HDAC9: variants seen among roughly 807,000 people sequenced by gnomAD.
HDAC9 encodes MEF-2 interacting transcription repressor (MITR) protein.
Under a neutral mutation model 139.4 loss-of-function variants are expected in HDAC9, and 41 were observed. The ratio of observed to expected loss-of-function variants is 0.29; its 90% confidence interval spans 0.23 to 0.38. HDAC9 has a LOEUF of 0.38. HDAC9 is among the 10% of genes least tolerant of loss of function. HDAC9 has a pLI of 1.00. For synonymous variants in HDAC9, 517 were observed against 476.2 expected (o/e 1.09, Z -1.12); for missense variants, 1,147 against 1,297.0 (o/e 0.88, Z 1.78).
At chr7:18,648,434 A>G (rs757289261) in intron 10 of HDAC9, 32 bp from the exon 11 acceptor site, 48 of 1,315,756 alleles carry the variant, frequency 3.6e-5, no homozygotes, top group African/African-American at 1.9e-4. Flanking sequence ...GTGTGTGTGT[A>G]TACACACATA....
chr7:18,439,791 C>T (rs1264655969), intron 1 of HDAC9, among the ~76,000 whole-genome samples: 3 of 152,174 alleles, frequency 2.0e-5, no homozygotes, highest in Non-Finnish European at 4.4e-5. Context: ...CATACATACA[C>T]ACACAAAACA....
At chr7:18,971,846 G>T (rs1784261132) in intron 24 of HDAC9, among the ~76,000 whole-genome samples, 1 of 152,136 alleles carries the variant, frequency 6.6e-6, no homozygotes, top group African/African-American at 2.4e-5. Context: ...ATCCAAAAAG[G>T]TCTCAACTAT....
In HDAC9 at chr7:18,121,050, T is replaced by C. The variant is rs201421467; in HGVS notation, c.-97+33837T>C. Among the ~76,000 whole-genome samples the C allele has an allele frequency of 6.6e-5, 10 of 152,300 alleles. No homozygotes were observed. In the East Asian group the frequency reaches 1.7e-3, roughly 26 times the overall value. On this transcript the variant is annotated intron_variant, in intron 1 of 12. Coordinates refer to the HDAC9 transcript ENST00000417496. ...TGCGGAGAACCCCATGAGAAAACTG[T>C]GTTTTACTTACATCTCTGGTCACTG...
chr7:18,295,105 C>T (rs1050412056), intron 1 of HDAC9, among the ~76,000 whole-genome samples: 7 of 151,792 alleles, frequency 4.6e-5, no homozygotes, highest in East Asian at 1.9e-4. Context: ...TTAACTGAAG[C>T]CATGGAAATA....
intron 2 of HDAC9, among the ~76,000 whole-genome samples, chr7:18,519,816 T>C (rs1228333710): frequency 2.0e-5 from 3 of 152,058 alleles, no homozygotes; most frequent in Non-Finnish European, 2.9e-5. Context: ...CAGTTTTATT[T>C]ATAATAATGG....
At chr7:18,306,026 G>A (rs1223129483) in intron 1 of HDAC9, among the ~76,000 whole-genome samples, 1 of 152,160 alleles carries the variant, frequency 6.6e-6, no homozygotes, top group Non-Finnish European at 1.5e-5. Context: ...AGTGTAAGTT[G>A]TTTATTTGGG....
At chr7:18,512,956 G>A (rs1322917050) in intron 2 of HDAC9, among the ~76,000 whole-genome samples, 2 of 152,146 alleles carry the variant, frequency 1.3e-5, no homozygotes, top group Non-Finnish European at 2.9e-5. Context: ...TAGATGACAA[G>A]GAATAGAATA....
chr7:18,902,776 C>T (rs1047469399), intron 22 of HDAC9, among the ~76,000 whole-genome samples: 1 of 152,082 alleles, frequency 6.6e-6, no homozygotes. Flanking sequence ...ATTTTAATAT[C>T]TGAGGAATGG....
At chr7:18,921,772 T>C (rs1365178135) in intron 22 of HDAC9, among the ~76,000 whole-genome samples, 1 of 152,088 alleles carries the variant, frequency 6.6e-6, no homozygotes, top group African/African-American at 2.4e-5. Context: ...TAAAGACACA[T>C]GTACACGTAT....
intron 2 of HDAC9, among the ~76,000 whole-genome samples, chr7:18,203,920 T>C (rs1268573904): frequency 1.3e-5 from 2 of 152,150 alleles, no homozygotes; most frequent in Non-Finnish European, 2.9e-5. Context: ...TGTAGAGATA[T>C]AGGGGATAGC....
At chr7:18,195,909 A>G (rs1222870666) in intron 2 of HDAC9, among the ~76,000 whole-genome samples, 1 of 152,108 alleles carries the variant, frequency 6.6e-6, no homozygotes, top group African/African-American at 2.4e-5. Context: ...TATTCTCAAT[A>G]CTTGAAATGC....
rs1210035642 is a variant in HDAC9 at position 18,748,993 on chromosome 7, C to G, written c.1910-12C>G. 2.5e-6 allele frequency: 4 copies of G among 1,612,234 alleles called. No individual in the cohort carries two copies. Among genetic ancestry groups the G allele is most frequent in the Non-Finnish European group, 3.4e-6 (4 of 1,178,990 alleles). On this transcript the variant is annotated splice_polypyrimidine_tract_variant and intron_variant, in intron 13 of 25. Transcript: ENST00000686413. ...TTACTCAATCTTGTCCTGTATTTCC[C>G]TTGTCTTAAAGGAATTGCCTATGAC...
At chr7:18,977,662 G>T (rs1390677629) in intron 25 of HDAC9, among the ~76,000 whole-genome samples, 1 of 152,152 alleles carries the variant, frequency 6.6e-6, no homozygotes, top group Non-Finnish European at 1.5e-5. Flanking sequence ...GGCAGAGAGA[G>T]AATGTGAATG....
At chr7:18,705,865 AAAATAAAATAAAAT>A (rs1562868564) in intron 12 of HDAC9, among the ~76,000 whole-genome samples, 6 of 101,792 alleles carry the variant, frequency 5.9e-5, no homozygotes, top group African/African-American at 3.0e-4. Flanking sequence ...AAAAAAAAAT[AAAATAAAATAAAAT>A]AAAAGAAATG....
intron 22 of HDAC9, among the ~76,000 whole-genome samples, chr7:18,907,246 G>T (rs1802343022): frequency 6.6e-6 from 1 of 152,152 alleles, no homozygotes; most frequent in Admixed American, 6.5e-5. Context: ...ATGTAGAAGA[G>T]AAGGGAGAGT....
intron 2 of HDAC9, among the ~76,000 whole-genome samples, chr7:18,168,729 A>T (rs2128131706): frequency 6.6e-6 from 1 of 152,066 alleles, no homozygotes; most frequent in South Asian, 2.1e-4. Context: ...ATATTTCTTA[A>T]TTTTTGTCAT....
intron 1 of HDAC9, among the ~76,000 whole-genome samples, chr7:18,135,048 T>C (rs541491148): frequency 3.5e-4 from 53 of 152,264 alleles, no homozygotes; most frequent in African/African-American, 1.1e-3. Context: ...ATAGTAGTAA[T>C]GGTAGTGATA....
At chr7:18,757,724 A>T (rs1217324016) in intron 14 of HDAC9, among the ~76,000 whole-genome samples, 1 of 152,038 alleles carries the variant, frequency 6.6e-6, no homozygotes, top group Non-Finnish European at 1.5e-5. Context: ...ATATGAATCT[A>T]TATCGTGTGT....
intron 12 of HDAC9, among the ~76,000 whole-genome samples, chr7:18,676,904 G>A (rs1781552366): frequency 6.6e-6 from 1 of 151,788 alleles, no homozygotes; most frequent in Admixed American, 6.6e-5. Context: ...TTGGCATGCT[G>A]TTTAAATTAA....
Sources: gnomAD v4.1 joint callset for allele counts (sites outside exome capture counted in the v4.1 genomes callset) on GRCh38, gnomAD v4.1.1 for gene constraint, MANE v1.5 for transcripts, NCBI Gene and HGNC (gene_info 2026-07-23, HGNC 2026-07-21) for gene names.